The following RBPMS variants were observed in gnomAD, a reference collection of about 807,000 sequenced individuals.
RBPMS encodes RNA-binding protein with multiple splicing.
RBPMS carries 7 observed loss-of-function variants against 26.8 expected under a neutral mutation model. The ratio of observed to expected loss-of-function variants is 0.26; its 90% CI spans 0.15 to 0.49. The LOEUF (loss-of-function observed/expected upper bound fraction) is 0.49, where lower values mean the gene tolerates loss of function less well. RBPMS is among the 20% of genes least tolerant of loss of function. The probability of loss-of-function intolerance (pLI) is 0.98; values close to 1 mark genes in which losing one functional copy is unlikely to be tolerated. For missense variants in RBPMS, 186 were observed against 250.0 expected, an observed-to-expected ratio of 0.74 and a Z score of 1.73; for synonymous variants, 96 against 93.3, an observed-to-expected ratio of 1.03 and a Z score of -0.17.
intron 4 of RBPMS, among the ~76,000 whole-genome samples, chr8:30,487,187 G>T (rs948823413): frequency 6.6e-6 from 1 of 152,060 alleles, no homozygotes; most frequent in Non-Finnish European, 1.5e-5. Flanking sequence ...CATTACTGAC[G>T]GTTCTGCAGG....
At chr8:30,506,522 C>T (rs186908966) in intron 5 of RBPMS, among the ~76,000 whole-genome samples, 23 of 152,178 alleles carry the variant, frequency 1.5e-4, no homozygotes, top group African/African-American at 4.8e-4. Context: ...GGAACTTGAC[C>T]GTCACATACA....
chr8:30,544,459 T>C (rs1585830811), intron 5 of RBPMS, 35 bp from the exon 6 acceptor site: 2 of 1,601,758 alleles, frequency 1.2e-6, no homozygotes, highest in Non-Finnish European at 1.7e-6. Flanking sequence ...AGCTGTATGG[T>C]AACCACTAAC....
intron 4 of RBPMS, among the ~76,000 whole-genome samples, chr8:30,502,941 G>A (rs1451373998): frequency 2.6e-5 from 4 of 151,928 alleles, no homozygotes; most frequent in African/African-American, 4.8e-5. Context: ...CTATCTGTTC[G>A]CTTTTTGGTG....
At chr8:30,444,052 A>G (rs1230004754) in intron 1 of RBPMS, among the ~76,000 whole-genome samples, 4 of 152,062 alleles carry the variant, frequency 2.6e-5, no homozygotes, top group Non-Finnish European at 5.9e-5. Context: ...GGGCACCACC[A>G]TGCCCGGCTA....
At chr8:30,433,678 C>CA (rs1563314149) in intron 1 of RBPMS, among the ~76,000 whole-genome samples, 2 of 151,078 alleles carry the variant, frequency 1.3e-5, no homozygotes, top group Admixed American at 6.6e-5. Flanking sequence ...GTCTTAAAGA[C>CA]AAAAAAAGAA....
chr8:30,454,080 T>G (rs1462586833), intron 1 of RBPMS, among the ~76,000 whole-genome samples: 1 of 152,210 alleles, frequency 6.6e-6, no homozygotes, highest in Non-Finnish European at 1.5e-5. Flanking sequence ...ATTACCTTTC[T>G]GATTATATTT....
chr8:30,483,255 C>G (rs1818457573), intron 4 of RBPMS, among the ~76,000 whole-genome samples: 1 of 152,116 alleles, frequency 6.6e-6, no homozygotes, highest in Non-Finnish European at 1.5e-5. Flanking sequence ...GTTTTGGACT[C>G]TTTAGTATAT....
intron 4 of RBPMS, among the ~76,000 whole-genome samples, chr8:30,486,365 A>T (rs970768595): frequency 7.0e-4 from 30 of 43,048 alleles, no homozygotes; most frequent in Admixed American, 2.5e-3. Flanking sequence ...TAAATAACAT[A>T]AAAAAAAAAC....
intron 1 of RBPMS, among the ~76,000 whole-genome samples, chr8:30,434,563 G>T (rs559958828): frequency 6.6e-6 from 1 of 152,072 alleles, no homozygotes; most frequent in East Asian, 1.9e-4. Context: ...AATTAGCTGG[G>T]CATGGTGGCA....
chr8:30,523,244 G>T (rs554445715), intron 5 of RBPMS, among the ~76,000 whole-genome samples: 3 of 151,986 alleles, frequency 2.0e-5, no homozygotes, highest in Non-Finnish European at 4.4e-5. Context: ...AGGCATGGTG[G>T]TGCGTGCCTG....
intron 5 of RBPMS, among the ~76,000 whole-genome samples, chr8:30,539,265 A>G (rs1825129820): frequency 6.6e-6 from 1 of 152,184 alleles, no homozygotes; most frequent in Admixed American, 6.5e-5. Flanking sequence ...AGTTTCTTAT[A>G]GCAAGTTGAG....
intron 5 of RBPMS, among the ~76,000 whole-genome samples, chr8:30,542,066 G>A (rs1825440965): frequency 6.6e-6 from 1 of 152,202 alleles, no homozygotes; most frequent in African/African-American, 2.4e-5. Context: ...GGAGAAGGGA[G>A]ACGGAGATGA....
At chr8:30,462,524 A>G (rs1199684360) in intron 1 of RBPMS, among the ~76,000 whole-genome samples, 4 of 152,008 alleles carry the variant, frequency 2.6e-5, no homozygotes. Context: ...CCTGGGTTCA[A>G]GTGGTTCTGC....
At position 30,566,336 on chromosome 8, in the gene RBPMS, T is replaced by C; in HGVS notation, c.*87T>C. 1.0e-6 allele frequency: 1 copy of C among 977,654 alleles called. No homozygotes were observed. Among genetic ancestry groups the C allele is most frequent in the Non-Finnish European group, 1.2e-6 (1 of 825,270 alleles). 60.6% of individuals were successfully genotyped at this position (977,654 alleles called of 1,614,324 possible). On this transcript the variant is annotated 3_prime_UTR_variant, in exon 8 of 9. Coordinates refer to ENST00000397323, the MANE Select transcript of RBPMS (RefSeq NM_001008710.3). The stretch of plus-strand genomic sequence containing the variant: ...TCAGTGGTGGCTACTGTTCTCTAGC[T>C]GTTCTACAAAACTGGAGCATGCTGG...
At chr8:30,411,389 G>C (rs1438088980) in intron 1 of RBPMS, among the ~76,000 whole-genome samples, 1 of 152,184 alleles carries the variant, frequency 6.6e-6, no homozygotes, top group Non-Finnish European at 1.5e-5. Flanking sequence ...TCTTGGCCGG[G>C]CATGGTGGCT....
At chr8:30,524,596 G>T (rs1823390768) in intron 5 of RBPMS, among the ~76,000 whole-genome samples, 1 of 151,998 alleles carries the variant, frequency 6.6e-6, no homozygotes, top group Non-Finnish European at 1.5e-5. Context: ...TTATAGAAAG[G>T]CAGATATAAG....
At chr8:30,430,197 G>T (rs1024595536) in intron 1 of RBPMS, among the ~76,000 whole-genome samples, 25 of 151,956 alleles carry the variant, frequency 1.6e-4, no homozygotes, top group Non-Finnish European at 1.5e-5. Context: ...TCCAGCCTGG[G>T]TTAGAGTGAT....
rs933175240 is a variant in RBPMS, at chr8:30,555,976, G to A, written c.529-2911G>A. On this transcript the variant is annotated intron_variant, in intron 6 of 8. Coordinates refer to ENST00000397323, the MANE Select transcript of RBPMS (RefSeq NM_001008710.3). ...GCCCTGCCGCTCTGCCGGCTGTGGT[G>A]CGGGAACCTGGATGAGCCGCTCAGA... 33 of 984,456 alleles carry A rather than the reference G, an allele frequency of 3.4e-5. No individual in the cohort carries two copies. In the African/African-American group the frequency reaches 5.4e-4, roughly 16 times the overall value. The allele number at this position is 984,456 out of a possible 1,614,324, so 61.0% of individuals were successfully genotyped here. A position where few individuals can be genotyped will look rare whatever the true frequency, so the allele number is the denominator to read the frequency against.
intron 4 of RBPMS, among the ~76,000 whole-genome samples, chr8:30,487,342 A>G (rs1290914391): frequency 6.6e-6 from 1 of 152,190 alleles, no homozygotes; most frequent in Non-Finnish European, 1.5e-5. Context: ...AAGGATTTGA[A>G]CTTTTGCTCC....
Sources: allele counts gnomAD v4.1 joint callset (sites outside exome capture counted in the v4.1 genomes callset), GRCh38; gene constraint gnomAD v4.1.1; transcripts MANE v1.5; gene names NCBI Gene and HGNC (gene_info 2026-07-23, HGNC 2026-07-21).